The following GRK5 variants were observed in gnomAD, a reference collection of about 807,000 sequenced individuals.
GRK5 encodes the protein G protein-coupled receptor kinase 5, also known as g protein-coupled receptor kinase GRK5.
A neutral mutation model predicts 78.4 loss-of-function variants in GRK5; 40 were observed. The ratio of observed to expected loss-of-function variants is 0.51; its 90% CI spans 0.40 to 0.66. The LOEUF (loss-of-function observed/expected upper bound fraction) is 0.66, where lower values mean the gene tolerates loss of function less well. Ranked by LOEUF, GRK5 falls within the 30% of genes least tolerant of loss-of-function variation. GRK5 has a pLI of 0.00. For missense variants in GRK5, 598 were observed against 759.9 expected (o/e 0.79, Z 2.50); for synonymous variants, 289 against 296.8 (o/e 0.97, Z 0.27).
Position 119,311,914 on chromosome 10 carries a change from A to ACTTTT in GRK5, c.53-14602_53-14601insCTTTT, listed in dbSNP as rs34048341. On this transcript the variant is annotated intron_variant, in intron 1 of 15. Transcript: ENST00000392870. ...TGTACTGAATGCTACTGAATTGTTC[A>ACTTTT]TTTTTTTTTTTTTTTTTTTGAGACG... Among the ~76,000 whole-genome samples the ACTTTT allele has an allele frequency of 1.2e-4, 16 of 137,812 alleles. 7 individuals are homozygous for ACTTTT. The highest frequency in any genetic ancestry group is 1.4e-4 in the Non-Finnish European group (9 of 64,914). The allele number at this position is 137,812 out of a possible 152,430, so 90.4% of individuals were successfully genotyped here.
chr10:119,415,770 A>G (rs540071271), intron 4 of GRK5, among the ~76,000 whole-genome samples: 7 of 152,280 alleles, frequency 4.6e-5, no homozygotes, highest in African/African-American at 1.7e-4. Context: ...TTAAGGGCTT[A>G]TACCACTCAG....
intron 1 of GRK5, among the ~76,000 whole-genome samples, chr10:119,304,300 TTTTTTTTTTGACAGGGTC>T (rs1850236170): frequency 6.8e-6 from 1 of 146,748 alleles, no homozygotes; most frequent in Admixed American, 6.8e-5. Context: ...TTTTTTTTTT[TTTTTTTTTTGACAGGGTC>T]TTGCTCTGTT....
chr10:119,294,075 T>C (rs1389490362), intron 1 of GRK5, among the ~76,000 whole-genome samples: 1 of 152,102 alleles, frequency 6.6e-6, no homozygotes, highest in Non-Finnish European at 1.5e-5. Context: ...CTTACTTTCA[T>C]GGTGTGAGGA....
intron 3 of GRK5, among the ~76,000 whole-genome samples, chr10:119,383,922 T>C (rs1022064094): frequency 1.3e-5 from 2 of 152,308 alleles, no homozygotes; most frequent in Middle Eastern, 3.4e-3. Flanking sequence ...CTAGCACCTA[T>C]TGGCATTTTT....
intron 3 of GRK5, among the ~76,000 whole-genome samples, chr10:119,384,901 A>T (rs10886469): frequency 0.25 from 37,363 of 151,960 alleles, 4,745 homozygotes; most frequent in East Asian, 0.38. Flanking sequence ...AAACAACTGG[A>T]GCAGGTTAAA....
intron 4 of GRK5, among the ~76,000 whole-genome samples, chr10:119,416,309 C>T (rs12262291): frequency 6.4e-4 from 98 of 152,384 alleles, no homozygotes; most frequent in South Asian, 2.3e-3. Flanking sequence ...CAGGTGCAGC[C>T]GCCTTGGCGA....
rs117925881 is a variant in GRK5, at chr10:119,429,455, C to T, written c.534-920C>T. 2.9e-3 allele frequency among the ~76,000 whole-genome samples: 444 copies of T among 151,442 alleles called. 22 individuals are homozygous for T. In the East Asian group the frequency reaches 0.077, roughly 26 times the overall value. Reference sequence around the variant, plus strand: ...TTGGAGAGCCAAGAGCCAATTTTCACGTTTTAAGCTGATTATTTGTAGCCA... The same window carrying T: ...TTGGAGAGCCAAGAGCCAATTTTCATGTTTTAAGCTGATTATTTGTAGCCA... On this transcript the variant is annotated intron_variant, in intron 6 of 15. Coordinates refer to ENST00000392870, the MANE Select transcript of GRK5 (RefSeq NM_005308.3).
chr10:119,313,599 C>T (rs769503281), intron 1 of GRK5, among the ~76,000 whole-genome samples: 5 of 152,072 alleles, frequency 3.3e-5, no homozygotes, highest in African/African-American at 4.8e-5. Context: ...AGGCAGTGGA[C>T]GGTTGTGTCC....
At chr10:119,214,947 A>C (rs1166821944) in intron 1 of GRK5, among the ~76,000 whole-genome samples, 1 of 152,252 alleles carries the variant, frequency 6.6e-6, no homozygotes, top group Non-Finnish European at 1.5e-5. Context: ...CCTTCCAGGC[A>C]GAGCAGGTGT....
intron 1 of GRK5, among the ~76,000 whole-genome samples, chr10:119,280,531 T>A (rs750006369): frequency 6.6e-6 from 1 of 152,218 alleles, no homozygotes; most frequent in Non-Finnish European, 1.5e-5. Flanking sequence ...GTAGGATAGT[T>A]GATACCTGTT....
chr10:119,457,876 T>TC lies in GRK5; in HGVS notation c.*2809_*2810insC, dbSNP rs1554925808. On this transcript the variant is annotated 3_prime_UTR_variant, in exon 16 of 16. Transcript: ENST00000392870. The stretch of plus-strand genomic sequence containing the variant: ...TAATTTTTAAAATTTTTTGTAGAGA[T>TC]GGGGGGGGGGTCTCCCCATGTTGCC... The TC allele has an allele frequency of 2.8e-5, 4 of 142,676 alleles. No homozygotes were observed. The highest frequency in any genetic ancestry group is 7.7e-5 in the African/African-American group (3 of 38,832). The allele number at this position is 142,676 out of a possible 1,614,324, so 8.8% of individuals were successfully genotyped here. A position where few individuals can be genotyped will look rare whatever the true frequency, so the allele number is the denominator to read the frequency against.
At chr10:119,341,961 C>T (rs1391746058) in intron 2 of GRK5, among the ~76,000 whole-genome samples, 1 of 152,172 alleles carries the variant, frequency 6.6e-6, no homozygotes. Flanking sequence ...AGGGCAGTGA[C>T]CCCACTTTTC....
chr10:119,346,280 GC>G (rs1376288172), intron 2 of GRK5, among the ~76,000 whole-genome samples: 3 of 152,216 alleles, frequency 2.0e-5, no homozygotes, highest in Admixed American at 2.0e-4. Flanking sequence ...GTCCCCCGGA[GC>G]ATGCCCGTGC....
At chr10:119,291,729 C>G (rs1255314495) in intron 1 of GRK5, among the ~76,000 whole-genome samples, 10 of 149,936 alleles carry the variant, frequency 6.7e-5, no homozygotes, top group African/African-American at 2.2e-4. Context: ...CATCCTCCTC[C>G]TTCTTCTCTT....
chr10:119,385,933 A>G (rs1851787084), intron 3 of GRK5, among the ~76,000 whole-genome samples: 1 of 151,820 alleles, frequency 6.6e-6, no homozygotes, highest in South Asian at 2.1e-4. Context: ...CACCCAGGCT[A>G]GAGTGCAGTG....
At chr10:119,402,627 C>T (rs571632976) in intron 4 of GRK5, among the ~76,000 whole-genome samples, 59 of 152,198 alleles carry the variant, frequency 3.9e-4, no homozygotes, top group African/African-American at 1.4e-3. Flanking sequence ...CTGAGGCAGG[C>T]GGATCACCTG....
chr10:119,328,091 G>A (rs959971731), intron 2 of GRK5, among the ~76,000 whole-genome samples: 1 of 152,224 alleles, frequency 6.6e-6, no homozygotes, highest in Non-Finnish European at 1.5e-5. Context: ...GTGTGTAAAG[G>A]GCTTAGCTGG....
chr10:119,407,399 G>A (rs1319959415), intron 4 of GRK5, among the ~76,000 whole-genome samples: 2 of 152,212 alleles, frequency 1.3e-5, no homozygotes, highest in Non-Finnish European at 2.9e-5. Flanking sequence ...TCCCACTGGG[G>A]ATGGCCGGCA....
chr10:119,367,493 C>T (rs1851467299), intron 2 of GRK5, among the ~76,000 whole-genome samples: 1 of 152,254 alleles, frequency 6.6e-6, no homozygotes, highest in African/African-American at 2.4e-5. Flanking sequence ...GTTAAACCCA[C>T]TGCGCCCTGT....
Sources: allele counts gnomAD v4.1 joint callset (sites outside exome capture counted in the v4.1 genomes callset), GRCh38; gene constraint gnomAD v4.1.1; transcripts MANE v1.5; gene names NCBI Gene and HGNC (gene_info 2026-07-23, HGNC 2026-07-21).